MBD5: variants seen among roughly 807,000 people sequenced by gnomAD.
MBD5 encodes the protein methyl-CpG-binding domain protein 5.
MBD5 carries 13 observed loss-of-function variants against 117.3 expected under a neutral mutation model. That is an observed-to-expected ratio of 0.11 (90% CI 0.07 to 0.18). MBD5 has a LOEUF of 0.18. Ranked by LOEUF, MBD5 falls within the 10% of genes least tolerant of loss-of-function variation. The pLI, the probability that MBD5 is intolerant of heterozygous loss-of-function variation, is 1.00. For synonymous variants in MBD5, 727 were observed against 766.4 expected (o/e 0.95, Z 0.85); for missense variants, 1,879 against 2,093.8 (o/e 0.90, Z 2.00).
At chr2:148,101,228 A>G (rs1040481714) in intron 1 of MBD5, among the ~76,000 whole-genome samples, 2 of 152,158 alleles carry the variant, frequency 1.3e-5, no homozygotes, top group Non-Finnish European at 2.9e-5. Flanking sequence ...AGGCAGGAGG[A>G]TCACTTGAGG....
intron 3 of MBD5, among the ~76,000 whole-genome samples, chr2:148,316,823 A>G (rs1478534353): frequency 6.6e-6 from 1 of 152,204 alleles, no homozygotes; most frequent in East Asian, 1.9e-4. Flanking sequence ...GTGTTTGGTA[A>G]TAAGAAAAGT....
chr2:148,367,254 TG>T (rs1313785574), intron 4 of MBD5, among the ~76,000 whole-genome samples: 2 of 152,200 alleles, frequency 1.3e-5, no homozygotes, highest in Non-Finnish European at 2.9e-5. Context: ...TAAATGGCGT[TG>T]GGAAAACCAG....
At chr2:148,285,424 AAAAG>A (rs1701347353) in intron 3 of MBD5, among the ~76,000 whole-genome samples, 1 of 152,246 alleles carries the variant, frequency 6.6e-6, no homozygotes, top group Non-Finnish European at 1.5e-5. Context: ...TAAACATACT[AAAAG>A]AAAGAATGAT....
intron 3 of MBD5, among the ~76,000 whole-genome samples, chr2:148,323,618 G>A (rs1702352147): frequency 6.6e-6 from 1 of 151,558 alleles, no homozygotes; most frequent in Non-Finnish European, 1.5e-5. Context: ...ATTTTTTCAT[G>A]TGTTTTTTGG....
At chr2:148,311,301 A>C (rs962730640) in intron 3 of MBD5, among the ~76,000 whole-genome samples, 1 of 152,142 alleles carries the variant, frequency 6.6e-6, no homozygotes, top group Non-Finnish European at 1.5e-5. Context: ...GTAGGTCTCT[A>C]AGAACTTGCA....
chr2:148,044,506 T>A (rs1314055447), intron 1 of MBD5: 1 of 152,186 alleles, frequency 6.6e-6, no homozygotes, highest in African/African-American at 2.4e-5. Flanking sequence ...TCAAATGTGT[T>A]GTTGGGAGTC....
intron 1 of MBD5, among the ~76,000 whole-genome samples, chr2:148,143,421 A>C (rs2105556778): frequency 6.6e-6 from 1 of 152,330 alleles, no homozygotes; most frequent in Non-Finnish European, 1.5e-5. Context: ...TGAGCCTATT[A>C]ATATTATTTT....
intron 2 of MBD5, among the ~76,000 whole-genome samples, chr2:148,221,452 C>T (rs951563667): frequency 2.0e-5 from 3 of 152,070 alleles, no homozygotes; most frequent in South Asian, 2.1e-4. Flanking sequence ...GACTAAAAGC[C>T]GTTTTAACTG....
intron 1 of MBD5, among the ~76,000 whole-genome samples, chr2:148,033,186 G>T (rs1173529262): frequency 2.0e-5 from 3 of 152,174 alleles, no homozygotes; most frequent in Non-Finnish European, 2.9e-5. Context: ...ACATATTCGT[G>T]TCAGTTGTTA....
chr2:148,127,728 A>G (rs1018630645), intron 1 of MBD5, among the ~76,000 whole-genome samples: 1 of 152,166 alleles, frequency 6.6e-6, no homozygotes, highest in African/African-American at 2.4e-5. Context: ...AATGATTTAA[A>G]TTCTTTTGGG....
At chr2:148,127,092 C>T (rs560925233) in intron 1 of MBD5, among the ~76,000 whole-genome samples, 228 of 151,930 alleles carry the variant, frequency 1.5e-3, no homozygotes, top group African/African-American at 5.0e-3. Flanking sequence ...TCTCCTGCCC[C>T]AGCTTCCTGA....
At chr2:148,454,118 C>T (rs1158623246) in intron 4 of MBD5, among the ~76,000 whole-genome samples, 3 of 151,814 alleles carry the variant, frequency 2.0e-5, no homozygotes, top group Non-Finnish European at 2.9e-5. Flanking sequence ...AAATTATATC[C>T]AACAATTAAA....
intron 1 of MBD5, among the ~76,000 whole-genome samples, chr2:148,069,988 ATTG>A (rs1012615957): frequency 6.6e-6 from 1 of 152,120 alleles, no homozygotes; most frequent in African/African-American, 2.4e-5. Flanking sequence ...ATATGCAATA[ATTG>A]TTGTTAACTG....
chr2:148,108,065 A>G (rs368195976), intron 1 of MBD5, among the ~76,000 whole-genome samples: 5 of 150,990 alleles, frequency 3.3e-5, no homozygotes, highest in African/African-American at 1.2e-4. Context: ...GAGAAGATTT[A>G]TATTTCCTCT....
At chr2:148,217,658 T>C (rs1699588351) in intron 2 of MBD5, among the ~76,000 whole-genome samples, 1 of 152,218 alleles carries the variant, frequency 6.6e-6, no homozygotes, top group South Asian at 2.1e-4. Context: ...TGAATGGCAC[T>C]CGAATGTTTG....
chr2:148,021,583 C>A lies in MBD5; in HGVS notation c.-1026C>A, dbSNP rs1016873809. ...GAGCAGCCACTTCCCCAGCTCTCCT[C>A]CTCCTCCTTCGCCTCCTCCTCCTCC... On this transcript the variant is annotated 5_prime_UTR_variant, in exon 1 of 14. Coordinates refer to ENST00000642680, the MANE Select transcript of MBD5 (RefSeq NM_001378120.1). 1.9e-6 allele frequency: 1 copy of A among 516,150 alleles called. No individual in the cohort carries two copies. The highest frequency in any genetic ancestry group is 3.8e-6 in the Non-Finnish European group (1 of 265,824). The allele number at this position is 516,150 out of a possible 1,614,324, so 32.0% of individuals were successfully genotyped here.
chr2:148,433,089 T>C lies in MBD5; in HGVS notation c.-556-25114T>C, dbSNP rs1280923767. On this transcript the variant is annotated intron_variant, in intron 4 of 13. Coordinates refer to ENST00000642680, the MANE Select transcript of MBD5 (RefSeq NM_001378120.1). Reference sequence around the variant, plus strand: ...TTGTAGAGATCTTTCACATCCCTGGTTAGCTATATTCTTAGGTATTTTATT... The same window carrying C: ...TTGTAGAGATCTTTCACATCCCTGGCTAGCTATATTCTTAGGTATTTTATT... Among the ~76,000 whole-genome samples, 4 of 152,166 alleles carry C rather than the reference T, an allele frequency of 2.6e-5. No individual in the cohort carries two copies. The East Asian group carries it at 7.7e-4, about 29-fold the overall frequency.
At chr2:148,314,052 G>T (rs1050516134) in intron 3 of MBD5, among the ~76,000 whole-genome samples, 3 of 151,986 alleles carry the variant, frequency 2.0e-5, no homozygotes, top group Admixed American at 6.5e-5. Flanking sequence ...CATTGTTCTC[G>T]CTGGGAGCTG....
At chr2:148,050,957 A>G (rs570989547) in intron 1 of MBD5, among the ~76,000 whole-genome samples, 1 of 152,252 alleles carries the variant, frequency 6.6e-6, no homozygotes, top group South Asian at 2.1e-4. Context: ...GAAAATGAAA[A>G]ATAGACTGTT....
Sources: gnomAD v4.1 joint callset for allele counts (sites outside exome capture counted in the v4.1 genomes callset) on GRCh38, gnomAD v4.1.1 for gene constraint, MANE v1.5 for transcripts, NCBI Gene and HGNC (gene_info 2026-07-23, HGNC 2026-07-21) for gene names.